The following PTPRZ1 variants were observed in gnomAD, a reference collection of about 807,000 sequenced individuals.
PTPRZ1 encodes the protein receptor-type tyrosine-protein phosphatase zeta.
A neutral mutation model predicts 214.1 loss-of-function variants in PTPRZ1; 82 were observed. That is an observed-to-expected ratio of 0.38 (90% CI 0.32 to 0.46). The LOEUF is 0.46. PTPRZ1 is among the 20% of genes least tolerant of loss of function. The pLI is 1.00. For synonymous variants in PTPRZ1, 945 were observed against 987.9 expected (o/e 0.96, Z 0.81); for missense variants, 2,603 against 2,748.7 (o/e 0.95, Z 1.19).
At chr7:121,884,940 T>G (rs1794354209) in intron 1 of PTPRZ1, among the ~76,000 whole-genome samples, 1 of 152,216 alleles carries the variant, frequency 6.6e-6, no homozygotes, top group South Asian at 2.1e-4. Context: ...GCATTCAGTA[T>G]TACGAGCCTC....
chr7:121,926,005 A>T (rs890306728), intron 1 of PTPRZ1, among the ~76,000 whole-genome samples: 1 of 152,136 alleles, frequency 6.6e-6, no homozygotes, highest in African/African-American at 2.4e-5. Context: ...GCCTCACAGG[A>T]GTAGAGAAAG....
In PTPRZ1 at chr7:121,882,653, A is replaced by T. The variant is rs552080218; in HGVS notation, c.58+9096A>T. On this transcript the variant is annotated intron_variant, in intron 1 of 29. Transcript: ENST00000393386. ...CTAAAGGGTTTTGAGCAGTGAAATG[A>T]CTGGAATAGATCTCTTTATTTCAGG... 7.9e-5 allele frequency among the ~76,000 whole-genome samples: 12 copies of T among 152,282 alleles called. No individual in the cohort carries two copies. In the South Asian group the frequency reaches 2.5e-3, roughly 32 times the overall value.
intron 2 of PTPRZ1, among the ~76,000 whole-genome samples, chr7:121,956,406 A>G (rs555154409): frequency 2.6e-4 from 40 of 152,344 alleles, no homozygotes; most frequent in African/African-American, 8.4e-4. Context: ...TCAGAAAGCC[A>G]CTATAAAACT....
At position 121,888,223 on chromosome 7, in the gene PTPRZ1, C is replaced by T. The variant is rs187103203; in HGVS notation, c.58+14666C>T. On this transcript the variant is annotated intron_variant, in intron 1 of 29. Transcript: ENST00000393386. ...GTGGGTTTTGAGTGACATTCTGAGA[C>T]CATACATTTTGTGTCAAGAATCGAA... Among the ~76,000 whole-genome samples the T allele has an allele frequency of 2.7e-3, 413 of 151,770 alleles. 2 individuals carry two copies. Among genetic ancestry groups the T allele is most frequent in the Middle Eastern group, 0.014 (4 of 294 alleles).
intron 1 of PTPRZ1, among the ~76,000 whole-genome samples, chr7:121,911,321 C>A (rs1795270064): frequency 6.6e-6 from 1 of 152,016 alleles, no homozygotes; most frequent in Non-Finnish European, 1.5e-5. Flanking sequence ...TGGATTTAAG[C>A]TTTCGCATAA....
chr7:122,016,869 T>C (rs577566281), intron 12 of PTPRZ1, among the ~76,000 whole-genome samples: 60 of 152,220 alleles, frequency 3.9e-4, no homozygotes, highest in African/African-American at 1.4e-3. Context: ...TCTACATCAC[T>C]GGTTCTCAAA....
chr7:122,010,207 G>C lies in PTPRZ1; in HGVS notation c.1288-127G>C, dbSNP rs1010855260. On this transcript the variant is annotated intron_variant, in intron 11 of 29. Coordinates refer to ENST00000393386, the MANE Select transcript of PTPRZ1 (RefSeq NM_002851.3). ...GTAGGTTAGAGGTATGCATTGTACA[G>C]AATGGTGTTTTATGAGGATGAGAAG... is the stretch of plus-strand genomic sequence containing the variant. The C allele has an allele frequency of 4.7e-4, 408 of 873,266 alleles. 4 individuals carry two copies. The highest frequency in any genetic ancestry group is 2.5e-4 in the Non-Finnish European group (141 of 575,444). 54.1% of individuals were successfully genotyped at this position (873,266 alleles called of 1,614,324 possible).
At chr7:122,005,436 G>C (rs1798456831) in intron 11 of PTPRZ1, among the ~76,000 whole-genome samples, 2 of 151,892 alleles carry the variant, frequency 1.3e-5, no homozygotes, top group South Asian at 4.1e-4. Context: ...GTGACAACTA[G>C]TGCTGTTATC....
intron 12 of PTPRZ1, 67 bp downstream of exon 12, chr7:122,013,956 A>T: frequency 2.2e-6 from 3 of 1,339,116 alleles, no homozygotes; most frequent in Middle Eastern, 1.9e-4. Context: ...TAAAATGAAA[A>T]TTATAGAAAG....
At chr7:122,023,849 AT>A (rs530862374) in intron 13 of PTPRZ1, among the ~76,000 whole-genome samples, 3 of 75,410 alleles carry the variant, frequency 4.0e-5, no homozygotes, top group South Asian at 7.7e-4. Context: ...TTATATATAT[AT>A]AAAAAAAAAA....
Position 122,010,818 on chromosome 7 carries a change from C to G in PTPRZ1, c.1772C>G (p.Pro591Arg), listed in dbSNP as rs140937221. 7.6e-5 allele frequency: 122 copies of G among 1,614,050 alleles called. No individual in the cohort carries two copies. In the African/African-American group the frequency reaches 1.5e-3, roughly 20 times the overall value. ...TGAEDSSGSS[P>R]ATSAIPFISE... ...GCTGAAGATTCTTCAGGCTCCAGTC[C>G]CGCAACTTCTGCTATCCCATTCATC... Residue 591 changes from proline to arginine, a missense_variant, in exon 12 of 30, where the codon CCC (proline) becomes CGC (arginine). This residue lies in a region of PTPRZ1 where 1,913 missense variants were observed against 1,914.3 expected (regional missense o/e 1.00). Transcript: ENST00000393386.
intron 1 of PTPRZ1, among the ~76,000 whole-genome samples, chr7:121,905,647 CTTT>C: frequency 1.9e-5 from 1 of 52,578 alleles, no homozygotes; most frequent in East Asian, 9.2e-4. Flanking sequence ...GGGTTCTATT[CTTT>C]ACACACACAC....
chr7:122,014,012 C>T (rs992032351), intron 12 of PTPRZ1, 123 bp downstream of exon 12: 3 of 785,758 alleles, frequency 3.8e-6, no homozygotes, highest in Non-Finnish European at 5.8e-6. Flanking sequence ...AAAATCAAAA[C>T]ATTCAACAAA....
intron 1 of PTPRZ1, among the ~76,000 whole-genome samples, chr7:121,894,262 A>G (rs945243476): frequency 2.0e-5 from 3 of 152,236 alleles, no homozygotes; most frequent in Non-Finnish European, 4.4e-5. Flanking sequence ...AAAAGAACAG[A>G]AACACCACTC....
intron 10 of PTPRZ1, among the ~76,000 whole-genome samples, chr7:121,999,519 CTTTA>C (rs1332332519): frequency 6.6e-6 from 1 of 152,090 alleles, no homozygotes; most frequent in African/African-American, 2.4e-5. Flanking sequence ...TCTCTTCTAC[CTTTA>C]TTTATGCATT....
At chr7:121,968,851 A>G (rs954647523) in intron 3 of PTPRZ1, among the ~76,000 whole-genome samples, 1 of 152,166 alleles carries the variant, frequency 6.6e-6, no homozygotes, top group African/African-American at 2.4e-5. Context: ...TAGTAGCTCT[A>G]TGGGGATAAG....
In PTPRZ1 at chr7:122,040,908, A is replaced by G. The variant is rs753626222; in HGVS notation, c.5730A>G (p.Pro1910=). 9 of 1,605,518 alleles carry G rather than the reference A, an allele frequency of 5.6e-6. No individual in the cohort carries two copies. In the Admixed American group the frequency reaches 1.5e-4, roughly 27 times the overall value. Residue 1910 remains proline, a synonymous_variant, in exon 21 of 30, where the codon CCA becomes CCG. Transcript: ENST00000393386. Reference sequence around the variant, plus strand: ...TGGGAGTACCAGAGTACTCCCTGCCAGTGCTGACCTTTGTGAGAAAGGCAG... The same window carrying G: ...TGGGAGTACCAGAGTACTCCCTGCCGGTGCTGACCTTTGTGAGAAAGGCAG... ...PDMGVPEYSL[P]VLTFVRKAAY...
intron 2 of PTPRZ1, among the ~76,000 whole-genome samples, chr7:121,947,543 T>A (rs1456741426): frequency 2.0e-5 from 3 of 152,182 alleles, no homozygotes; most frequent in South Asian, 4.1e-4. Context: ...CAAAGATAAA[T>A]CAATTAGTAA....
At chr7:122,045,546 C>T (rs1437534239) in intron 23 of PTPRZ1, among the ~76,000 whole-genome samples, 1 of 151,974 alleles carries the variant, frequency 6.6e-6, no homozygotes, top group East Asian at 1.9e-4. Flanking sequence ...GAAAGTCATA[C>T]ATGTTTTACT....
Sources: gnomAD v4.1 joint callset for allele counts (sites outside exome capture counted in the v4.1 genomes callset) on GRCh38, gnomAD v4.1.1 for gene constraint, gnomAD v4.1.1 regional missense constraint, MANE v1.5 for transcripts, NCBI Gene and HGNC (gene_info 2026-07-23, HGNC 2026-07-21) for gene names.